RIT2: variants seen among roughly 807,000 people sequenced by gnomAD.
RIT2 encodes the protein Ras like without CAAX 2.
In RIT2, 24 loss-of-function variants were observed where a neutral mutation model predicts 23.7. That is an observed-to-expected ratio of 1.01 (90% CI 0.73 to 1.43). The LOEUF is 1.43. Ranked by LOEUF, RIT2 falls within the 40% of genes most tolerant of loss-of-function variation. The pLI is 0.00. For missense variants in RIT2, 236 were observed against 266.9 expected, an observed-to-expected ratio of 0.88 and a Z score of 0.81; for synonymous variants, 107 against 91.1, an observed-to-expected ratio of 1.17 and a Z score of -0.99.
At chr18:43,001,140 G>A (rs1296032449) in intron 2 of RIT2, among the ~76,000 whole-genome samples, 1 of 151,766 alleles carries the variant, frequency 6.6e-6, no homozygotes, top group Non-Finnish European at 1.5e-5. Context: ...CTCTGATATT[G>A]ACAAACTGTG....
At chr18:42,756,724 T>A (rs1443451085) in intron 4 of RIT2, among the ~76,000 whole-genome samples, 2 of 152,110 alleles carry the variant, frequency 1.3e-5, no homozygotes, top group East Asian at 3.8e-4. Flanking sequence ...TAAATAAATA[T>A]GTGTGTTTGA....
chr18:42,983,977 G>T (rs1910651979), intron 2 of RIT2, among the ~76,000 whole-genome samples: 1 of 151,988 alleles, frequency 6.6e-6, no homozygotes, highest in Non-Finnish European at 1.5e-5. Flanking sequence ...AACTAATCAT[G>T]CATGTATCAT....
At chr18:43,110,237 C>T (rs1913921585) in intron 1 of RIT2, among the ~76,000 whole-genome samples, 3 of 146,198 alleles carry the variant, frequency 2.1e-5, no homozygotes, top group African/African-American at 7.5e-5. Context: ...ATTTCCTTAA[C>T]TCCATATATA....
intron 4 of RIT2, among the ~76,000 whole-genome samples, chr18:42,768,160 A>T (rs776500298): frequency 5.9e-5 from 9 of 152,250 alleles, no homozygotes; most frequent in Middle Eastern, 6.8e-3. Flanking sequence ...ATCATTATAG[A>T]TTTATGCTCC....
intron 3 of RIT2, among the ~76,000 whole-genome samples, chr18:42,929,639 T>C (rs111498689): frequency 6.6e-6 from 1 of 152,126 alleles, no homozygotes; most frequent in Non-Finnish European, 1.5e-5. Flanking sequence ...TAGATCCCAA[T>C]GCAAAGTGAA....
At chr18:42,865,386 A>G (rs549902562) in intron 4 of RIT2, among the ~76,000 whole-genome samples, 2 of 152,294 alleles carry the variant, frequency 1.3e-5, no homozygotes, top group Non-Finnish European at 2.9e-5. Flanking sequence ...TAATTTCTTG[A>G]CCAAATTTCT....
chr18:42,905,247 C>T (rs539328700), intron 4 of RIT2, among the ~76,000 whole-genome samples: 3 of 151,800 alleles, frequency 2.0e-5, no homozygotes, highest in Non-Finnish European at 4.4e-5. Flanking sequence ...ATTGTATGGT[C>T]GTTTAATAAA....
chr18:43,008,722 A>AT (rs1911281173), intron 2 of RIT2, among the ~76,000 whole-genome samples: 1 of 151,774 alleles, frequency 6.6e-6, no homozygotes, highest in African/African-American at 2.4e-5. Context: ...TGTGAGAAAC[A>AT]TACTTGGGAT....
At chr18:42,992,595 C>A (rs2144229978) in intron 2 of RIT2, among the ~76,000 whole-genome samples, 1 of 152,114 alleles carries the variant, frequency 6.6e-6, no homozygotes, top group East Asian at 1.9e-4. Flanking sequence ...GATCCTCCAC[C>A]CTATAATCCT....
chr18:42,800,746 T>G (rs1270527221), intron 4 of RIT2, among the ~76,000 whole-genome samples: 1 of 152,108 alleles, frequency 6.6e-6, no homozygotes, highest in Non-Finnish European at 1.5e-5. Context: ...TTAGCCAGGA[T>G]GGTCTCGATC....
At chr18:42,887,352 A>G (rs1157208229) in intron 4 of RIT2, among the ~76,000 whole-genome samples, 2 of 152,224 alleles carry the variant, frequency 1.3e-5, no homozygotes, top group South Asian at 2.1e-4. Context: ...TTATACTGGT[A>G]CAATGATTTG....
intron 2 of RIT2, among the ~76,000 whole-genome samples, chr18:42,994,503 A>G (rs1910931217): frequency 6.6e-6 from 1 of 151,914 alleles, no homozygotes; most frequent in Admixed American, 6.6e-5. Context: ...AACCTAGCTG[A>G]CCCCATAGAT....
At chr18:42,770,860 C>T (rs1598647154) in intron 4 of RIT2, among the ~76,000 whole-genome samples, 5 of 151,352 alleles carry the variant, frequency 3.3e-5, no homozygotes, top group Admixed American at 6.6e-5. Flanking sequence ...AAGGAAAGGA[C>T]TCAATCCATT....
At chr18:43,042,736 G>T (rs923441495) in intron 1 of RIT2, among the ~76,000 whole-genome samples, 1 of 152,148 alleles carries the variant, frequency 6.6e-6, no homozygotes, top group South Asian at 2.1e-4. Context: ...GCCTTCTAAA[G>T]GTTTACATTT....
At chr18:43,048,966 C>G (rs982254546) in intron 1 of RIT2, among the ~76,000 whole-genome samples, 1 of 152,070 alleles carries the variant, frequency 6.6e-6, no homozygotes, top group Admixed American at 6.6e-5. Flanking sequence ...TTGTTTCAAC[C>G]ACATGTTAGA....
intron 1 of RIT2, among the ~76,000 whole-genome samples, chr18:43,104,464 T>G (rs546254925): frequency 6.6e-6 from 1 of 152,288 alleles, no homozygotes; most frequent in South Asian, 2.1e-4. Context: ...ATGTTTGAGG[T>G]GATAGATATC....
chr18:42,855,266 T>A (rs1207287935), intron 4 of RIT2, among the ~76,000 whole-genome samples: 2 of 152,180 alleles, frequency 1.3e-5, no homozygotes, highest in Non-Finnish European at 2.9e-5. Flanking sequence ...TATAGAAAGT[T>A]TTCATCAGGG....
intron 4 of RIT2, among the ~76,000 whole-genome samples, chr18:42,748,829 G>A (rs1912979315): frequency 6.6e-6 from 1 of 151,870 alleles, no homozygotes; most frequent in Non-Finnish European, 1.5e-5. Context: ...GGTGATGAAT[G>A]CACCAAAATC....
intron 1 of RIT2, among the ~76,000 whole-genome samples, chr18:43,077,538 T>C (rs1372145098): frequency 6.6e-6 from 1 of 152,192 alleles, no homozygotes; most frequent in Non-Finnish European, 1.5e-5. Flanking sequence ...TTTTTATCAT[T>C]ATTACATTTT....
Sources: allele counts gnomAD v4.1 joint callset (sites outside exome capture counted in the v4.1 genomes callset), GRCh38; gene constraint gnomAD v4.1.1; transcripts MANE v1.5; gene names NCBI Gene and HGNC (gene_info 2026-07-23, HGNC 2026-07-21).